LSAMP: variants seen among roughly 807,000 people sequenced by gnomAD.
The protein encoded by LSAMP is limbic system associated membrane protein.
In LSAMP, 7 loss-of-function variants were observed where a neutral mutation model predicts 38.6. That is an observed-to-expected ratio of 0.18 (90% CI 0.10 to 0.34). The LOEUF (loss-of-function observed/expected upper bound fraction) is 0.34. Ranked by LOEUF, LSAMP falls within the 10% of genes least tolerant of loss-of-function variation. LSAMP has a pLI of 1.00. For missense variants in LSAMP, 313 were observed against 420.0 expected (o/e 0.75, Z 2.23); for synonymous variants, 154 against 166.8 (o/e 0.92, Z 0.59).
chr3:116,345,881 G>A (rs2048058001), intron 1 of LSAMP, among the ~76,000 whole-genome samples: 1 of 152,144 alleles, frequency 6.6e-6, no homozygotes, highest in African/African-American at 2.4e-5. Context: ...ACCCAGAGAA[G>A]CAGAAAAGAG....
intron 1 of LSAMP, among the ~76,000 whole-genome samples, chr3:116,357,810 C>T (rs1379884933): frequency 6.6e-6 from 1 of 151,662 alleles, no homozygotes; most frequent in African/African-American, 2.4e-5. Context: ...AAAGAATTTA[C>T]ATCAGTTCAC....
intron 3 of LSAMP, among the ~76,000 whole-genome samples, chr3:115,992,906 G>C (rs976415395): frequency 2.0e-5 from 3 of 152,020 alleles, no homozygotes; most frequent in Admixed American, 1.3e-4. Flanking sequence ...GACCTTGAGG[G>C]CTTGGGAGAG....
chr3:116,173,017 T>A (rs540601967), intron 1 of LSAMP, among the ~76,000 whole-genome samples: 1 of 151,990 alleles, frequency 6.6e-6, no homozygotes, highest in Non-Finnish European at 1.5e-5. Context: ...AATAGTGCTA[T>A]CCACTAAATT....
At position 116,129,205 on chromosome 3, in the gene LSAMP, TAATAGAC is replaced by T. The variant is rs1709072303; in HGVS notation, c.156-42656_156-42650del. ...TTTGGTAATATAGAGGAGTGTCAGATAATAGACTAGGTGCACAATGTAATTAGAAATA... is the reference window on the plus strand; with the variant it reads ...TTTGGTAATATAGAGGAGTGTCAGATTAGGTGCACAATGTAATTAGAAATA... On this transcript the variant is annotated intron_variant, in intron 1 of 6. Transcript: ENST00000490035. Among the ~76,000 whole-genome samples the T allele has an allele frequency of 3.9e-5, 6 of 152,276 alleles. No homozygotes were observed. In the South Asian group the frequency reaches 1.2e-3, roughly 32 times the overall value.
chr3:116,340,056 G>A (rs1453595801), intron 1 of LSAMP, among the ~76,000 whole-genome samples: 1 of 152,022 alleles, frequency 6.6e-6, no homozygotes, highest in Non-Finnish European at 1.5e-5. Flanking sequence ...AGTTTGCAAG[G>A]CATTGGGAAC....
intron 1 of LSAMP, among the ~76,000 whole-genome samples, chr3:116,253,850 C>T (rs1401430591): frequency 6.6e-6 from 1 of 152,164 alleles, no homozygotes; most frequent in Non-Finnish European, 1.5e-5. Flanking sequence ...TCTCTTTATT[C>T]AAAGGGGCCA....
intron 3 of LSAMP, among the ~76,000 whole-genome samples, chr3:115,884,994 G>A (rs985783692): frequency 5.9e-5 from 9 of 151,984 alleles, no homozygotes; most frequent in South Asian, 4.2e-4. Flanking sequence ...TAAAAAAGGC[G>A]TTCACAGAAG....
At chr3:115,839,276 T>TCCTC (rs1934913008) in intron 6 of LSAMP, among the ~76,000 whole-genome samples, 1 of 125,396 alleles carries the variant, frequency 8.0e-6, no homozygotes, top group Non-Finnish European at 1.7e-5. Context: ...CTTCCTTCCT[T>TCCTC]CCTTCCTTCC....
intron 3 of LSAMP, among the ~76,000 whole-genome samples, chr3:116,015,482 C>T (rs543583031): frequency 7.8e-4 from 119 of 152,154 alleles, no homozygotes; most frequent in Non-Finnish European, 1.1e-3. Context: ...TTATGAAAGT[C>T]TAACTTAATT....
Position 116,445,101 on chromosome 3 carries a change from T to G in LSAMP, c.-70A>C. ...TGCGCGCTGCTCGCGAGGAGAGGCTTCACCAACACGGGGCTTTCATCCACA... is the reference window on the plus strand; with the variant it reads ...TGCGCGCTGCTCGCGAGGAGAGGCTGCACCAACACGGGGCTTTCATCCACA... On this transcript the variant is annotated 5_prime_UTR_variant, in exon 1 of 7. The change abolishes the stop of an existing upstream ORF in the 5' untranslated region. Transcript: ENST00000490035. The G allele has an allele frequency of 6.7e-7, 1 of 1,483,918 alleles. No individual in the cohort carries two copies. Among genetic ancestry groups the G allele is most frequent in the Non-Finnish European group, 9.2e-7 (1 of 1,092,522 alleles). The allele number at this position is 1,483,918 out of a possible 1,614,324, so 91.9% of individuals were successfully genotyped here. A position where few individuals can be genotyped will look rare whatever the true frequency, so the allele number is the denominator to read the frequency against.
chr3:116,331,871 C>T (rs1017500777), intron 1 of LSAMP, among the ~76,000 whole-genome samples: 2 of 152,014 alleles, frequency 1.3e-5, no homozygotes, highest in African/African-American at 4.8e-5. Flanking sequence ...GGCAGGGCCT[C>T]ATTCTGTTGC....
intron 2 of LSAMP, among the ~76,000 whole-genome samples, chr3:116,075,195 T>C (rs984417827): frequency 3.4e-5 from 5 of 146,192 alleles, no homozygotes; most frequent in Non-Finnish European, 4.5e-5. Flanking sequence ...TGGAGTGCAG[T>C]GGCCAATCTC....
chr3:115,831,604 C>A (rs182158347), intron 6 of LSAMP, among the ~76,000 whole-genome samples: 13 of 152,282 alleles, frequency 8.5e-5, no homozygotes, highest in African/African-American at 3.1e-4. Context: ...CCTCAGGAAA[C>A]AATGTCAACC....
At chr3:116,173,837 T>C (rs1469653773) in intron 1 of LSAMP, among the ~76,000 whole-genome samples, 1 of 151,824 alleles carries the variant, frequency 6.6e-6, no homozygotes, top group East Asian at 1.9e-4. Flanking sequence ...CTTGCCTTCT[T>C]CCTCTTCTTC....
chr3:116,125,491 A>C (rs1431092673), intron 1 of LSAMP, among the ~76,000 whole-genome samples: 1 of 146,834 alleles, frequency 6.8e-6, no homozygotes, highest in Non-Finnish European at 1.5e-5. Context: ...TCCTTCATTT[A>C]TTCTCCTTCA....
At chr3:116,249,325 G>A (rs1160088671) in intron 1 of LSAMP, among the ~76,000 whole-genome samples, 1 of 151,792 alleles carries the variant, frequency 6.6e-6, no homozygotes, top group Admixed American at 6.6e-5. Flanking sequence ...GACAAGACAA[G>A]TTTTCTGCCT....
At chr3:115,878,916 G>T (rs1199347686) in intron 3 of LSAMP, among the ~76,000 whole-genome samples, 2 of 152,114 alleles carry the variant, frequency 1.3e-5, no homozygotes, top group African/African-American at 2.4e-5. Flanking sequence ...GAATTATGGG[G>T]TCAACTTGAG....
chr3:116,114,966 G>T (rs908475536), intron 1 of LSAMP, among the ~76,000 whole-genome samples: 3 of 152,198 alleles, frequency 2.0e-5, no homozygotes, highest in Non-Finnish European at 4.4e-5. Flanking sequence ...ATTTGCAAAT[G>T]TAGATGCTTT....
intron 1 of LSAMP, among the ~76,000 whole-genome samples, chr3:116,417,518 C>T (rs1220001249): frequency 1.3e-5 from 2 of 152,176 alleles, no homozygotes; most frequent in Non-Finnish European, 2.9e-5. Flanking sequence ...TTGATTATCT[C>T]TCACCTGCAA....
Sources: gnomAD v4.1 joint callset for allele counts (sites outside exome capture counted in the v4.1 genomes callset) on GRCh38, gnomAD v4.1.1 for gene constraint, MANE v1.5 for transcripts, NCBI Gene and HGNC (gene_info 2026-07-23, HGNC 2026-07-21) for gene names.